MRC1: variants seen among roughly 807,000 people sequenced by gnomAD.
MRC1 encodes mannose receptor C-type 1, also known as macrophage mannose receptor 1.
MRC1 carries 62 observed loss-of-function variants against 102.9 expected under a neutral mutation model. The observed-to-expected ratio is 0.60, with a 90% CI of 0.49 to 0.74. The LOEUF is 0.74. Among genes scored for constraint, MRC1 ranks in the 30% least tolerant of loss-of-function variants. The pLI, the probability that MRC1 is intolerant of heterozygous loss-of-function variation, is 0.00. For missense variants in MRC1, 1,237 were observed against 862.8 expected, an observed-to-expected ratio of 1.43 and a Z score of -5.43; for synonymous variants, 457 against 298.4, an observed-to-expected ratio of 1.53 and a Z score of -5.48.
intron 3 of MRC1, among the ~76,000 whole-genome samples, chr10:17,828,592 T>C (rs1838520435): frequency 1.3e-5 from 2 of 151,480 alleles, no homozygotes; most frequent in Non-Finnish European, 2.9e-5. Context: ...GAATTTTGTG[T>C]CAATGTCATC....
chr10:17,902,947 C>T (rs2130720137), intron 26 of MRC1, among the ~76,000 whole-genome samples: 1 of 152,290 alleles, frequency 6.6e-6, no homozygotes, highest in Non-Finnish European at 1.5e-5. Flanking sequence ...ATTACATCTT[C>T]TTGATGTATT....
At chr10:17,893,549 T>A (rs1477518418) in intron 22 of MRC1, among the ~76,000 whole-genome samples, 2 of 152,034 alleles carry the variant, frequency 1.3e-5, no homozygotes, top group Non-Finnish European at 2.9e-5. Flanking sequence ...TTCTCTTACC[T>A]CTACTCCAAC....
At chr10:17,900,229 C>A (rs1311592794) in intron 24 of MRC1, among the ~76,000 whole-genome samples, 1 of 151,844 alleles carries the variant, frequency 6.6e-6, no homozygotes, top group Non-Finnish European at 1.5e-5. Context: ...AAGACTGCCT[C>A]ACTAGAAATC....
chr10:17,880,809 ACT>A (rs1833502879), intron 20 of MRC1, 139 bp downstream of exon 20: 1 of 751,944 alleles, frequency 1.3e-6, no homozygotes, highest in Admixed American at 1.9e-5. Flanking sequence ...CGCGTGACAA[ACT>A]CTTTATGGAA....
intron 24 of MRC1, 56 bp downstream of exon 24, chr10:17,898,322 T>C (rs1476385085): frequency 5.1e-6 from 4 of 780,500 alleles, no homozygotes; most frequent in Non-Finnish European, 9.6e-6. Context: ...TGGTTGAATA[T>C]GATTATCTTT....
intron 8 of MRC1, among the ~76,000 whole-genome samples, chr10:17,853,596 GTGTGTATA>G (rs1298857555): frequency 3.9e-4 from 54 of 138,080 alleles, no homozygotes; most frequent in African/African-American, 7.3e-4. Flanking sequence ...GTGTGTGTGT[GTGTGTATA>G]TATATATATA....
At chr10:17,853,996 C>T (rs1281836022) in intron 8 of MRC1, among the ~76,000 whole-genome samples, 1 of 151,978 alleles carries the variant, frequency 6.6e-6, no homozygotes, top group Non-Finnish European at 1.5e-5. Context: ...AAGACAGAGT[C>T]TTGCTCTGTC....
chr10:17,873,657 G>A, intron 15 of MRC1, 127 bp from the exon 16 acceptor site: 1 of 743,100 alleles, frequency 1.3e-6, no homozygotes, highest in Non-Finnish European at 2.5e-6. Flanking sequence ...GAGAAAGAAA[G>A]GGAAGGGAAA....
At chr10:17,816,032 C>A (rs1263458872) in intron 1 of MRC1, among the ~76,000 whole-genome samples, 2 of 152,104 alleles carry the variant, frequency 1.3e-5, no homozygotes, top group African/African-American at 4.8e-5. Context: ...CCATGTTGGC[C>A]AGGCTGATCT....
At chr10:17,859,990 C>T (rs979609822) in intron 9 of MRC1, among the ~76,000 whole-genome samples, 9 of 152,182 alleles carry the variant, frequency 5.9e-5, no homozygotes, top group Admixed American at 3.3e-4. Context: ...AAGGGGTTAC[C>T]GGGGTTACTG....
intron 3 of MRC1, among the ~76,000 whole-genome samples, chr10:17,832,461 A>G (rs1838589515): frequency 6.7e-6 from 1 of 150,298 alleles, no homozygotes; most frequent in East Asian, 2.0e-4. Flanking sequence ...AGGCTGAGGC[A>G]GGAGAATGGC....
At chr10:17,827,414 A>AAAACC in intron 2 of MRC1, 128 bp from the exon 3 acceptor site, 1 of 398,354 alleles carries the variant, frequency 2.5e-6, no homozygotes, top group South Asian at 2.9e-5. Context: ...AAAAAAAGAA[A>AAAACC]TCCCTCTGTG....
At chr10:17,877,821 A>G in intron 17 of MRC1, 79 bp from the exon 18 acceptor site, 1 of 864,026 alleles carries the variant, frequency 1.2e-6, no homozygotes. Context: ...AGGCTGCCTC[A>G]TTAACATGTA....
intron 6 of MRC1, 50 bp downstream of exon 6, chr10:17,845,485 T>C: frequency 1.3e-6 from 1 of 779,670 alleles, no homozygotes; most frequent in Non-Finnish European, 2.4e-6. Flanking sequence ...AATTGAAAGA[T>C]AAGTAACATT....
At chr10:17,897,988 A>G (rs1833778465) in intron 23 of MRC1, 46 bp from the exon 24 acceptor site, 6 of 780,628 alleles carry the variant, frequency 7.7e-6, no homozygotes, top group Non-Finnish European at 1.4e-5. Context: ...ATAAGGCTCA[A>G]TTACTGTTTA....
At chr10:17,904,940 T>C (rs1589197409) in intron 26 of MRC1, among the ~76,000 whole-genome samples, 1 of 152,232 alleles carries the variant, frequency 6.6e-6, no homozygotes, top group African/African-American at 2.4e-5. Flanking sequence ...GCCCCAACTA[T>C]TATCACTGCC....
chr10:17,838,817 A>C (rs2130622303), intron 4 of MRC1, among the ~76,000 whole-genome samples: 1 of 152,298 alleles, frequency 6.6e-6, no homozygotes, highest in East Asian at 1.9e-4. Flanking sequence ...GTACAAAAAA[A>C]ATTTCTGGTT....
intron 6 of MRC1, among the ~76,000 whole-genome samples, chr10:17,845,699 T>C (rs1838816452): frequency 6.6e-6 from 1 of 152,154 alleles, no homozygotes; most frequent in Non-Finnish European, 1.5e-5. Context: ...GGTGTCATGA[T>C]TCACATGCTA....
chr10:17,827,001 A>G (rs932784224), intron 2 of MRC1, among the ~76,000 whole-genome samples: 3 of 152,058 alleles, frequency 2.0e-5, no homozygotes, highest in African/African-American at 7.3e-5. Context: ...TACAGCTTTA[A>G]GGTTTTTTTT....
Sources: gnomAD v4.1 joint callset for allele counts (sites outside exome capture counted in the v4.1 genomes callset) on GRCh38, gnomAD v4.1.1 for gene constraint, MANE v1.5 for transcripts, NCBI Gene and HGNC (gene_info 2026-07-23, HGNC 2026-07-21) for gene names.